Variants in CNTNAP2 observed in about 807,000 individuals in gnomAD.
CNTNAP2 encodes the protein contactin-associated protein-like 2.
A neutral mutation model predicts 155.2 loss-of-function variants in CNTNAP2; 98 were observed. That is an observed-to-expected ratio of 0.63 (90% CI 0.54 to 0.75). CNTNAP2 has a LOEUF of 0.75. Ranked by LOEUF, CNTNAP2 falls within the 30% of genes least tolerant of loss-of-function variation. The pLI is 0.00. For synonymous variants in CNTNAP2, 651 were observed against 631.2 expected (o/e 1.03, Z -0.47); for missense variants, 1,727 against 1,688.1 (o/e 1.02, Z -0.40).
At chr7:148,259,179 TAAAAAAAAAAAAAAAA>T (rs34229180) in intron 20 of CNTNAP2, among the ~76,000 whole-genome samples, 1 of 24,018 alleles carries the variant, frequency 4.2e-5, no homozygotes, top group Non-Finnish European at 6.7e-5. Flanking sequence ...AACTCCGTCT[TAAAAAAAAAAAAAAAA>T]AAAAAAAAAA....
rs77187781 is a variant in CNTNAP2 at position 147,359,352 on chromosome 7, G to A, written c.1499-36257G>A. Among the ~76,000 whole-genome samples, 224 of 152,086 alleles carry A rather than the reference G, an allele frequency of 1.5e-3. 4 individuals are homozygous for A. The East Asian group carries it at 0.033, about 22-fold the overall frequency. On this transcript the variant is annotated intron_variant, in intron 9 of 23. Transcript: ENST00000361727. ...CCCGAGCCCCTATAGCTGTCACCTC[G>A]CTTTACTGGCTTATCACAGTGATCT...
At chr7:147,941,523 G>A (rs1800721470) in intron 14 of CNTNAP2, among the ~76,000 whole-genome samples, 2 of 152,158 alleles carry the variant, frequency 1.3e-5, no homozygotes, top group African/African-American at 4.8e-5. Context: ...TCTCCCTGGA[G>A]AGCTTTGCAG....
intron 14 of CNTNAP2, among the ~76,000 whole-genome samples, chr7:147,974,061 T>G (rs1236823205): frequency 6.7e-6 from 1 of 148,874 alleles, no homozygotes; most frequent in African/African-American, 2.6e-5. Context: ...ATGCCTGCTT[T>G]TAGTATTAAA....
intron 1 of CNTNAP2, among the ~76,000 whole-genome samples, chr7:146,708,999 G>A (rs1172792758): frequency 6.6e-6 from 1 of 152,082 alleles, no homozygotes; most frequent in African/African-American, 2.4e-5. Context: ...AATTAAATAT[G>A]ATATTTTAAG....
intron 1 of CNTNAP2, among the ~76,000 whole-genome samples, chr7:146,434,797 A>G (rs1485981290): frequency 6.6e-6 from 1 of 151,976 alleles, no homozygotes; most frequent in Non-Finnish European, 1.5e-5. Flanking sequence ...AATTTAATAT[A>G]TATTGTTTTA....
At chr7:147,477,102 A>G (rs972194644) in intron 10 of CNTNAP2, among the ~76,000 whole-genome samples, 3 of 152,094 alleles carry the variant, frequency 2.0e-5, no homozygotes, top group Non-Finnish European at 4.4e-5. Flanking sequence ...TGTTATCGTC[A>G]TCTTTTTTCC....
intron 13 of CNTNAP2, among the ~76,000 whole-genome samples, chr7:147,884,132 G>T (rs1799567999): frequency 6.6e-6 from 1 of 152,166 alleles, no homozygotes; most frequent in Admixed American, 6.5e-5. Context: ...AGAATTTCAG[G>T]TGGCAAAAAT....
chr7:146,622,814 G>A (rs763708807), intron 1 of CNTNAP2, among the ~76,000 whole-genome samples: 18 of 151,798 alleles, frequency 1.2e-4, no homozygotes, highest in Admixed American at 2.0e-4. Flanking sequence ...AAAATTAGCC[G>A]GGCATGGTGG....
chr7:147,541,750 C>G (rs1427768083), intron 11 of CNTNAP2, among the ~76,000 whole-genome samples: 1 of 152,158 alleles, frequency 6.6e-6, no homozygotes, highest in Non-Finnish European at 1.5e-5. Flanking sequence ...TTTTAACCTT[C>G]TCATATTATG....
intron 20 of CNTNAP2, 80 bp from the exon 21 acceptor site, chr7:148,266,953 T>C (rs1415425816): frequency 2.4e-6 from 3 of 1,275,616 alleles, no homozygotes; most frequent in East Asian, 2.3e-5. Flanking sequence ...CAAAGAGTGA[T>C]GTCATCCCCA....
intron 1 of CNTNAP2, among the ~76,000 whole-genome samples, chr7:146,538,977 CAG>C (rs377656815): frequency 4.6e-5 from 7 of 152,134 alleles, no homozygotes; most frequent in African/African-American, 1.7e-4. Context: ...GAACAATTAA[CAG>C]GGGGTAATGA....
intron 17 of CNTNAP2, 150 bp from the exon 18 acceptor site, chr7:148,172,092 A>G: frequency 1.3e-6 from 1 of 795,320 alleles, no homozygotes. Flanking sequence ...AAAAGCTTCA[A>G]CTTTCTCTAT....
chr7:146,317,418 T>A (rs1274667303), intron 1 of CNTNAP2, among the ~76,000 whole-genome samples: 1 of 152,184 alleles, frequency 6.6e-6, no homozygotes, highest in Non-Finnish European at 1.5e-5. Flanking sequence ...TTTCTTTTCC[T>A]GCATGTTGTA....
At chr7:147,856,333 C>T (rs900518367) in intron 13 of CNTNAP2, among the ~76,000 whole-genome samples, 3 of 152,158 alleles carry the variant, frequency 2.0e-5, no homozygotes, top group African/African-American at 4.8e-5. Context: ...ATTGGCCAAG[C>T]AGCGGACTCA....
rs559180656 is a variant in CNTNAP2 at position 146,589,558 on chromosome 7, A to G, written c.98-184713A>G. Among the ~76,000 whole-genome samples, 25 of 151,456 alleles carry G rather than the reference A, an allele frequency of 1.7e-4. No individual in the cohort carries two copies. The South Asian group carries it at 3.0e-3, about 18-fold the overall frequency. On this transcript the variant is annotated intron_variant, in intron 1 of 23. Coordinates refer to ENST00000361727, the MANE Select transcript of CNTNAP2 (RefSeq NM_014141.6). The stretch of plus-strand genomic sequence containing the variant: ...ACTGGGAGTTGAACAGTGAGAACAC[A>G]TGGACACAGGGAGGGGAACATCACA...
chr7:148,392,237 CT>C (rs1799367412), intron 22 of CNTNAP2, among the ~76,000 whole-genome samples: 1 of 152,146 alleles, frequency 6.6e-6, no homozygotes, highest in African/African-American at 2.4e-5. Flanking sequence ...CCACACCCAG[CT>C]AATTTTTGTG....
At chr7:146,878,278 G>A (rs1019352548) in intron 3 of CNTNAP2, among the ~76,000 whole-genome samples, 3 of 151,772 alleles carry the variant, frequency 2.0e-5, no homozygotes, top group Non-Finnish European at 4.4e-5. Context: ...CTTCCATTTG[G>A]CCAGTGGCAA....
At chr7:146,784,213 C>A (rs762964178) in intron 2 of CNTNAP2, among the ~76,000 whole-genome samples, 2 of 152,162 alleles carry the variant, frequency 1.3e-5, no homozygotes, top group Non-Finnish European at 2.9e-5. Flanking sequence ...TTCTATATAT[C>A]TTAATATTTG....
chr7:147,356,907 C>T (rs1007523756), intron 9 of CNTNAP2, among the ~76,000 whole-genome samples: 2 of 152,040 alleles, frequency 1.3e-5, no homozygotes, highest in Non-Finnish European at 2.9e-5. Flanking sequence ...CAAGTTGGAA[C>T]CAAACTGAGA....
Sources: allele counts gnomAD v4.1 joint callset (sites outside exome capture counted in the v4.1 genomes callset), GRCh38; gene constraint gnomAD v4.1.1; transcripts MANE v1.5; gene names NCBI Gene and HGNC (gene_info 2026-07-23, HGNC 2026-07-21).